Variants in PDS5B observed in about 807,000 individuals in gnomAD.
PDS5B encodes PDS5 cohesin associated factor B.
Under a neutral mutation model 184.1 loss-of-function variants are expected in PDS5B, and 51 were observed. That is an observed-to-expected ratio of 0.28 (90% CI 0.22 to 0.35). The LOEUF (loss-of-function observed/expected upper bound fraction) is 0.35, where lower values mean the gene tolerates loss of function less well. PDS5B is among the 10% of genes least tolerant of loss of function. The pLI is 1.00. For missense variants in PDS5B, 1,180 were observed against 1,723.3 expected (o/e 0.68, Z 5.58); for synonymous variants, 566 against 569.2 (o/e 0.99, Z 0.08).
At chr13:32,615,058 A>G (rs76155725) in intron 1 of PDS5B, among the ~76,000 whole-genome samples, 330 of 152,326 alleles carry the variant, frequency 2.2e-3, no homozygotes, top group African/African-American at 7.7e-3. Flanking sequence ...AAGAGACAAC[A>G]TCACCGACAC....
intron 13 of PDS5B, chr13:32,689,710 C>A (rs1219074620): frequency 1.3e-5 from 2 of 152,154 alleles, no homozygotes; most frequent in Non-Finnish European, 2.9e-5. Context: ...TTTTCCACTA[C>A]ACGTAGTAAA....
In PDS5B at chr13:32,776,136, T is replaced by C. The variant is rs41292177; in HGVS notation, c.*1084T>C. On this transcript the variant is annotated 3_prime_UTR_variant, in exon 35 of 35. Transcript: ENST00000315596. ...GTTTTGTATTTTATAGTGAGTTGCA[T>C]GTTTTTGAAAAAAAGTGCTGAAAAT... is the stretch of plus-strand genomic sequence containing the variant. 0.015 allele frequency: 2,227 copies of C among 153,252 alleles called. 47 individuals carry two copies. The highest frequency in any genetic ancestry group is 0.022 in the Non-Finnish European group (1,530 of 68,432). The allele number at this position is 153,252 out of a possible 1,614,324, so 9.5% of individuals were successfully genotyped here.
At chr13:32,730,891 A>G (rs1953096651) in intron 19 of PDS5B, among the ~76,000 whole-genome samples, 1 of 152,154 alleles carries the variant, frequency 6.6e-6, no homozygotes, top group East Asian at 1.9e-4. Flanking sequence ...GTTATCTGCA[A>G]ACAGTGACTA....
intron 3 of PDS5B, among the ~76,000 whole-genome samples, chr13:32,657,917 T>C (rs1381297332): frequency 6.6e-6 from 1 of 152,172 alleles, no homozygotes; most frequent in Non-Finnish European, 1.5e-5. Flanking sequence ...CATTGCAACA[T>C]TTTTTATTCT....
intron 10 of PDS5B, among the ~76,000 whole-genome samples, chr13:32,680,483 A>G (rs1281969310): frequency 6.6e-6 from 1 of 152,232 alleles, no homozygotes; most frequent in African/African-American, 2.4e-5. Flanking sequence ...GTGTTTGGGA[A>G]AAGAATGATG....
intron 1 of PDS5B, among the ~76,000 whole-genome samples, chr13:32,588,560 T>G (rs947201086): frequency 1.3e-5 from 2 of 152,212 alleles, no homozygotes; most frequent in African/African-American, 4.8e-5. Flanking sequence ...TTTTCTTTTT[T>G]TCTTTTCTCC....
chr13:32,645,262 C>A (rs1006886361), intron 1 of PDS5B, among the ~76,000 whole-genome samples: 3 of 152,148 alleles, frequency 2.0e-5, no homozygotes, highest in African/African-American at 7.2e-5. Flanking sequence ...GGATCACAGA[C>A]AGGAGCCATT....
chr13:32,683,021 C>CT (rs111784847), intron 10 of PDS5B, among the ~76,000 whole-genome samples: 2,298 of 146,636 alleles, frequency 0.016, 51 homozygotes, highest in African/African-American at 0.049. Context: ...AAAAAACTTT[C>CT]TTTTTTTTTT....
At chr13:32,659,811 T>C (rs1317305387) in intron 6 of PDS5B, among the ~76,000 whole-genome samples, 1 of 152,150 alleles carries the variant, frequency 6.6e-6, no homozygotes, top group East Asian at 1.9e-4. Flanking sequence ...GGTTCTGTTA[T>C]TTAGAAGGGG....
intron 10 of PDS5B, among the ~76,000 whole-genome samples, chr13:32,683,651 C>A (rs1053138169): frequency 6.6e-6 from 1 of 152,168 alleles, no homozygotes; most frequent in Admixed American, 6.5e-5. Context: ...AGTTATCAAT[C>A]TACCAAATGG....
Position 32,701,426 on chromosome 13 carries a change from C to G in PDS5B, c.1844C>G (p.Thr615Ser). ...AGGATAGCACCTGTGCACATAGATA[C>G]CGAATCTATCAGGTATTTGTATATA... is the stretch of plus-strand genomic sequence containing the variant. ...LERIAPVHID[T>S]ESISALIKQV... The change falls in exon 17 of 35, where the codon ACC becomes AGC. Residue 615 changes from threonine (T) to serine (S), a missense_variant. Coordinates refer to ENST00000315596, the MANE Select transcript of PDS5B (RefSeq NM_015032.4). 1 of 1,573,678 alleles carries G rather than the reference C, an allele frequency of 6.4e-7. No homozygotes were observed. Among genetic ancestry groups the G allele is most frequent in the Non-Finnish European group, 8.7e-7 (1 of 1,146,702 alleles).
intron 25 of PDS5B, among the ~76,000 whole-genome samples, chr13:32,754,174 C>G (rs1421857353): frequency 1.3e-5 from 2 of 152,120 alleles, no homozygotes; most frequent in African/African-American, 2.4e-5. Flanking sequence ...TACATTGCCT[C>G]CCTGTTGTAA....
chr13:32,588,132 C>G (rs1011749624), intron 1 of PDS5B, among the ~76,000 whole-genome samples: 1 of 152,168 alleles, frequency 6.6e-6, no homozygotes, highest in Non-Finnish European at 1.5e-5. Flanking sequence ...ATGCAGTACA[C>G]ATGTCTGAGA....
chr13:32,739,667 G>A (rs916220172), intron 21 of PDS5B, among the ~76,000 whole-genome samples: 9 of 152,054 alleles, frequency 5.9e-5, no homozygotes, highest in African/African-American at 2.2e-4. Flanking sequence ...ATATTCTGCT[G>A]TGATGAAGTA....
chr13:32,626,134 C>G (rs1031715492), intron 1 of PDS5B, among the ~76,000 whole-genome samples: 2 of 152,160 alleles, frequency 1.3e-5, no homozygotes, highest in Admixed American at 1.3e-4. Context: ...TCCACTGCAC[C>G]CAGCCCCAGA....
At chr13:32,718,454 A>AAATCAGTCT (rs546109650) in intron 19 of PDS5B, among the ~76,000 whole-genome samples, 244 of 152,218 alleles carry the variant, frequency 1.6e-3, no homozygotes, top group Middle Eastern at 3.4e-3. Flanking sequence ...CTGGCCAAAA[A>AAATCAGTCT]AATCAGTCTG....
rs531618338 is a variant in PDS5B, at chr13:32,711,174, A to G, written c.2123+1068A>G. On this transcript the variant is annotated intron_variant, in intron 19 of 34. Coordinates refer to ENST00000315596, the MANE Select transcript of PDS5B (RefSeq NM_015032.4). ...TGCCCGGCTAATTTTTTGTAGAGACAGGGTTTTGCCATGTTGGCCAGGTTG... is the reference window on the plus strand; with the variant it reads ...TGCCCGGCTAATTTTTTGTAGAGACGGGGTTTTGCCATGTTGGCCAGGTTG... 3.3e-5 allele frequency among the ~76,000 whole-genome samples: 5 copies of G among 151,430 alleles called. No homozygotes were observed. In the South Asian group the frequency reaches 1.0e-3, roughly 32 times the overall value.
chr13:32,704,649 T>C (rs1210582461), intron 17 of PDS5B, among the ~76,000 whole-genome samples: 1 of 152,254 alleles, frequency 6.6e-6, no homozygotes, highest in Non-Finnish European at 1.5e-5. Context: ...GGATCCTTGC[T>C]GGATTCCCTT....
chr13:32,770,013 G>T, intron 31 of PDS5B, 108 bp from the exon 32 acceptor site: 1 of 854,168 alleles, frequency 1.2e-6, no homozygotes, highest in Non-Finnish European at 1.8e-6. Flanking sequence ...GTATATTTTA[G>T]GTACATATCT....
Sources: allele counts gnomAD v4.1 joint callset (sites outside exome capture counted in the v4.1 genomes callset), GRCh38; gene constraint gnomAD v4.1.1; transcripts MANE v1.5; gene names NCBI Gene and HGNC (gene_info 2026-07-23, HGNC 2026-07-21).